Variants in SPTLC3 observed in about 807,000 individuals in gnomAD.
The protein encoded by SPTLC3 is serine palmitoyltransferase long chain base subunit 3, also known as serine palmitoyltransferase 3.
Under a neutral mutation model 59.3 loss-of-function variants are expected in SPTLC3, and 36 were observed. That is an observed-to-expected ratio of 0.61 (90% CI 0.47 to 0.80). SPTLC3 has a LOEUF of 0.80. SPTLC3 is among the 30% of genes least tolerant of loss of function. The probability of loss-of-function intolerance (pLI) is 0.00; values close to 1 mark genes in which losing one functional copy is unlikely to be tolerated. For synonymous variants in SPTLC3, 257 were observed against 240.8 expected (o/e 1.07, Z -0.62); for missense variants, 625 against 685.1 (o/e 0.91, Z 0.98).
intron 1 of SPTLC3, among the ~76,000 whole-genome samples, chr20:13,030,681 T>C (rs926195281): frequency 2.0e-5 from 3 of 152,144 alleles, no homozygotes; most frequent in African/African-American, 7.2e-5. Context: ...ACAAAGTGGA[T>C]GGAGGTCCTC....
At chr20:13,129,273 ATTACAGGCGTGAG>A (rs1425157299) in intron 9 of SPTLC3, among the ~76,000 whole-genome samples, 1 of 152,148 alleles carries the variant, frequency 6.6e-6, no homozygotes, top group African/African-American at 2.4e-5. Context: ...AAGTGCTGGG[ATTACAGGCGTGAG>A]CCACTGTGCC....
chr20:13,132,793 T>A (rs561780390), intron 9 of SPTLC3: 1 of 152,354 alleles, frequency 6.6e-6, no homozygotes, highest in East Asian at 1.9e-4. Flanking sequence ...TCTCTCATCC[T>A]AAAAAGACTT....
At chr20:13,060,615 C>G (rs915775218) in intron 2 of SPTLC3, among the ~76,000 whole-genome samples, 1 of 147,526 alleles carries the variant, frequency 6.8e-6, no homozygotes, top group African/African-American at 2.5e-5. Flanking sequence ...CCCTCCCACC[C>G]TTCCAACTTT....
chr20:13,009,867 G>A lies in SPTLC3; in HGVS notation c.117+483G>A, dbSNP rs576292757. ...AAAGGCGAGTTATTATTGGTGTGTA[G>A]TGGAGCATTGTTTTAGCTCACTACT... On this transcript the variant is annotated intron_variant, in intron 1 of 11. Transcript: ENST00000399002. 8.5e-5 allele frequency among the ~76,000 whole-genome samples: 13 copies of A among 152,290 alleles called. No individual in the cohort carries two copies. In the East Asian group the frequency reaches 9.6e-4, roughly 11 times the overall value.
At chr20:13,091,283 A>C in intron 5 of SPTLC3, 76 bp downstream of exon 5, 1 of 1,552,530 alleles carries the variant, frequency 6.4e-7, no homozygotes, top group Non-Finnish European at 8.8e-7. Context: ...CCTTGTTAGA[A>C]GTATGGCTGA....
intron 1 of SPTLC3, among the ~76,000 whole-genome samples, chr20:13,026,138 T>A (rs1986134318): frequency 6.6e-6 from 1 of 152,208 alleles, no homozygotes; most frequent in African/African-American, 2.4e-5. Context: ...CTGATAAGGA[T>A]TTAGGTTGAT....
Position 13,062,016 on chromosome 20 carries a change from T to A in SPTLC3, c.304-10240T>A, listed in dbSNP as rs79622099. 9.7e-3 allele frequency among the ~76,000 whole-genome samples: 1,480 copies of A among 152,240 alleles called. 15 individuals are homozygous for A. The highest frequency in any genetic ancestry group is 0.016 in the Non-Finnish European group (1,089 of 68,020). ...CCTCCTCTTCACTCCCAAGCACTGC[T>A]TCAGACACTAGGACCTCCTTGCTCT... On this transcript the variant is annotated intron_variant, in intron 2 of 11. Transcript: ENST00000399002.
At chr20:13,145,375 A>T (rs771994806) in intron 9 of SPTLC3, among the ~76,000 whole-genome samples, 1 of 152,184 alleles carries the variant, frequency 6.6e-6, no homozygotes, top group Admixed American at 6.5e-5. Context: ...TTAGAAAAGA[A>T]TCCCATTCAC....
At chr20:13,046,943 C>A (rs1242099276) in intron 1 of SPTLC3, among the ~76,000 whole-genome samples, 1 of 152,092 alleles carries the variant, frequency 6.6e-6, no homozygotes, top group Admixed American at 6.6e-5. Context: ...TTAGCTTATG[C>A]CATGAAGTAG....
chr20:13,072,517 G>T (rs1988482591), intron 3 of SPTLC3, 107 bp downstream of exon 3: 3 of 1,272,514 alleles, frequency 2.4e-6, no homozygotes, highest in Non-Finnish European at 2.2e-6. Flanking sequence ...GGAAGCCATT[G>T]GTTTTGTATC....
intron 11 of SPTLC3, chr20:13,164,405 T>C (rs1173461723): frequency 8.3e-6 from 4 of 479,708 alleles, no homozygotes; most frequent in South Asian, 6.2e-5. Flanking sequence ...TTCTGCAACC[T>C]TATCTTTTTC....
In SPTLC3 at chr20:13,164,881, G is replaced by A. The variant is rs745483202; in HGVS notation, c.*14G>A. 1.2e-6 allele frequency: 2 copies of A among 1,604,196 alleles called. No homozygotes were observed. The highest frequency in any genetic ancestry group is 1.1e-5 in the South Asian group (1 of 89,954). On this transcript the variant is annotated 3_prime_UTR_variant, in exon 12 of 12. Transcript: ENST00000399002. ...CTCGAAGATTAAGTTTCCTGGTCCT[G>A]AATGACACATAAAGACTTTGCGAGA...
chr20:13,119,081 T>C (rs2327753), intron 8 of SPTLC3, among the ~76,000 whole-genome samples: 59,785 of 151,736 alleles, frequency 0.39, 11,726 homozygotes, highest in Admixed American at 0.41. Flanking sequence ...AATGTTCCCT[T>C]CCTAGACTGT....
Position 13,117,674 on chromosome 20 carries a change from C to G in SPTLC3, c.1101C>G (p.Gly367=), listed in dbSNP as rs747705333. The G allele has an allele frequency of 1.2e-6, 2 of 1,613,802 alleles. No homozygotes were observed. Among genetic ancestry groups the G allele is most frequent in the South Asian group, 2.2e-5 (2 of 91,018 alleles). The part of the protein sequence containing the change: ...LDPHEVDVLM[G]TFTKSFGASG... ...CTCATGAAGTTGATGTGCTCATGGG[C>G]ACATTCACCAAAAGTTTTGGAGCTT... is the stretch of plus-strand genomic sequence containing the variant. Residue 367 remains glycine, a synonymous_variant, in exon 8 of 12, where the codon GGC becomes GGG. Coordinates refer to ENST00000399002, the MANE Select transcript of SPTLC3 (RefSeq NM_018327.4).
intron 6 of SPTLC3, among the ~76,000 whole-genome samples, chr20:13,109,154 C>T (rs544653830): frequency 2.6e-5 from 4 of 152,290 alleles, no homozygotes; most frequent in Middle Eastern, 3.4e-3. Flanking sequence ...GACCTCTCAA[C>T]CCAAGCCCAG....
intron 9 of SPTLC3, among the ~76,000 whole-genome samples, chr20:13,134,434 C>T (rs1250082051): frequency 6.6e-6 from 1 of 152,120 alleles, no homozygotes; most frequent in Non-Finnish European, 1.5e-5. Context: ...AAAGTTCCCC[C>T]GCATGTCCCC....
intron 10 of SPTLC3, among the ~76,000 whole-genome samples, chr20:13,157,564 G>T (rs898138637): frequency 1.3e-5 from 2 of 151,884 alleles, no homozygotes; most frequent in African/African-American, 4.8e-5. Context: ...TCAAGCTTTA[G>T]TCCATAGGAA....
chr20:13,097,701 C>T (rs1352278179), intron 6 of SPTLC3, among the ~76,000 whole-genome samples: 1 of 152,114 alleles, frequency 6.6e-6, no homozygotes, highest in Non-Finnish European at 1.5e-5. Flanking sequence ...CAGGTTAGAG[C>T]ACTGAATCCT....
At chr20:13,106,451 T>C (rs1412509310) in intron 6 of SPTLC3, among the ~76,000 whole-genome samples, 2 of 152,110 alleles carry the variant, frequency 1.3e-5, no homozygotes, top group Admixed American at 1.3e-4. Context: ...TTCTGTATTA[T>C]TGACGAGAAG....
Sources: allele counts gnomAD v4.1 joint callset (sites outside exome capture counted in the v4.1 genomes callset), GRCh38; gene constraint gnomAD v4.1.1; transcripts MANE v1.5; gene names NCBI Gene and HGNC (gene_info 2026-07-23, HGNC 2026-07-21).